Variants in KCNIP3 observed in about 807,000 individuals in gnomAD.
KCNIP3 encodes the protein calsenilin.
Under a neutral mutation model 35.0 loss-of-function variants are expected in KCNIP3, and 28 were observed. The ratio of observed to expected loss-of-function variants is 0.80; its 90% CI spans 0.59 to 1.10. The LOEUF (loss-of-function observed/expected upper bound fraction) is 1.10, where lower values mean the gene tolerates loss of function less well. KCNIP3 is among the 50% of genes least tolerant of loss of function. KCNIP3 has a pLI of 0.00. For missense variants in KCNIP3, 295 were observed against 338.4 expected, an observed-to-expected ratio of 0.87 and a Z score of 1.01; for synonymous variants, 134 against 133.8, an observed-to-expected ratio of 1.00 and a Z score of -0.01.
chr2:95,371,458 T>C (rs1680039867), intron 2 of KCNIP3, among the ~76,000 whole-genome samples: 1 of 152,252 alleles, frequency 6.6e-6, no homozygotes, highest in Non-Finnish European at 1.5e-5. Context: ...TTCCAGCATC[T>C]GATATATATT....
intron 2 of KCNIP3, among the ~76,000 whole-genome samples, chr2:95,320,002 G>C (rs925275635): frequency 1.3e-5 from 2 of 152,200 alleles, no homozygotes; most frequent in Admixed American, 1.3e-4. Flanking sequence ...GGCACCGAGG[G>C]CTGGGGCTTG....
rs186807663 is a variant in KCNIP3, at chr2:95,376,376, C to T, written c.447+1168C>T. On this transcript the variant is annotated intron_variant, in intron 5 of 8. Transcript: ENST00000295225. The surrounding 1 kb of genome is among the most constrained non-coding windows in gnomAD (Gnocchi z 4.2). ...TCAGGAATGAGATGACTGAGAGGCT[C>T]GGCAGAGCCCCTGCTCATGGCAGTG... Among the ~76,000 whole-genome samples the T allele has an allele frequency of 3.3e-4, 50 of 152,332 alleles. No homozygotes were observed. The highest frequency in any genetic ancestry group is 1.2e-3 in the African/African-American group (48 of 41,588).
chr2:95,343,696 G>A (rs1184021987), intron 2 of KCNIP3, among the ~76,000 whole-genome samples: 3 of 152,218 alleles, frequency 2.0e-5, no homozygotes, highest in Non-Finnish European at 4.4e-5. Flanking sequence ...AGATGCCGGG[G>A]CAGAGAGCCA....
intron 2 of KCNIP3, among the ~76,000 whole-genome samples, chr2:95,343,932 C>T (rs1679280705): frequency 6.6e-6 from 1 of 151,486 alleles, no homozygotes; most frequent in Non-Finnish European, 1.5e-5. Context: ...ACTTCCTAAA[C>T]TAGAGCAAGA....
intron 2 of KCNIP3, chr2:95,311,979 T>C (rs1270670423): frequency 6.6e-6 from 1 of 152,174 alleles, no homozygotes; most frequent in Non-Finnish European, 1.5e-5. Flanking sequence ...TCATTCTGCA[T>C]CAGAATGAAA....
chr2:95,326,938 C>T (rs543817967), intron 2 of KCNIP3, among the ~76,000 whole-genome samples: 1 of 152,332 alleles, frequency 6.6e-6, no homozygotes, highest in South Asian at 2.1e-4. Context: ...CTCATGGCCG[C>T]TCTCCTCAGC....
chr2:95,310,523 A>C lies in KCNIP3; in HGVS notation c.181+3A>C. 4.4e-6 allele frequency: 4 copies of C among 916,366 alleles called. No individual in the cohort carries two copies. The highest frequency in any genetic ancestry group is 2.5e-5 in the African/African-American group (1 of 40,358). 56.8% of individuals were successfully genotyped at this position (916,366 alleles called of 1,614,324 possible). On this transcript the variant is annotated splice_donor_region_variant and intron_variant, in intron 2 of 8. Transcript: ENST00000295225. ...CAGCACAGCCCCACAGGGCTCAGGT[A>C]GGGGCCAGGGTGGGCTGTGGTCAAG...
At chr2:95,355,398 A>G (rs531854478) in intron 2 of KCNIP3, 16 of 152,280 alleles carry the variant, frequency 1.1e-4, no homozygotes, top group African/African-American at 3.6e-4. Flanking sequence ...CACAATGTGC[A>G]GGTTTGATAC....
At chr2:95,335,583 A>G (rs1679041610) in intron 2 of KCNIP3, among the ~76,000 whole-genome samples, 1 of 152,162 alleles carries the variant, frequency 6.6e-6, no homozygotes, top group South Asian at 2.1e-4. Flanking sequence ...ACCATAGCAG[A>G]TGTACCTACC....
rs556864917 is a variant in KCNIP3, at chr2:95,382,134, G to A, written c.556-243G>A. 3.9e-5 allele frequency among the ~76,000 whole-genome samples: 6 copies of A among 152,290 alleles called. No homozygotes were observed. Among genetic ancestry groups the A allele is most frequent in the East Asian group, 3.9e-4 (2 of 5,174 alleles). Reference sequence around the variant, plus strand: ...GTCCAAGCACTTTTTCTGCTGCCGCGTCACATTTTGGAGATAAGCACATAG... The same window carrying A: ...GTCCAAGCACTTTTTCTGCTGCCGCATCACATTTTGGAGATAAGCACATAG... On this transcript the variant is annotated intron_variant, in intron 6 of 8. Coordinates refer to ENST00000295225, the MANE Select transcript of KCNIP3 (RefSeq NM_013434.5). This position sits in a 1 kb window ranked among gnomAD's most constrained non-coding sequence, Gnocchi z 4.5.
chr2:95,383,161 C>T (rs1451997691), intron 7 of KCNIP3, 71 bp from the exon 8 acceptor site: 26 of 879,294 alleles, frequency 3.0e-5, no homozygotes, highest in East Asian at 1.1e-4. Flanking sequence ...ATGACTTCTG[C>T]GTCCTCAGGC....
intron 2 of KCNIP3, among the ~76,000 whole-genome samples, chr2:95,319,699 G>A (rs1678540322): frequency 6.6e-6 from 1 of 152,196 alleles, no homozygotes; most frequent in Non-Finnish European, 1.5e-5. Context: ...TTGCCATGAT[G>A]TTGCCATAAG....
At chr2:95,341,677 A>T (rs1435732245) in intron 2 of KCNIP3, among the ~76,000 whole-genome samples, 1 of 152,242 alleles carries the variant, frequency 6.6e-6, no homozygotes. Flanking sequence ...GGCCAAGTCC[A>T]TGAACAGGCT....
Position 95,310,372 on chromosome 2 carries a change from G to A in KCNIP3, c.33G>A (p.Ser11=), listed in dbSNP as rs558118467. The A allele has an allele frequency of 8.0e-5, 129 of 1,611,736 alleles. 1 individual carries two copies. The South Asian group carries it at 8.2e-4, about 10-fold the overall frequency. Residue 11 remains serine, a synonymous_variant, in exon 2 of 9, where the codon TCG becomes TCA. Coordinates refer to ENST00000295225, the MANE Select transcript of KCNIP3 (RefSeq NM_013434.5). The stretch of plus-strand genomic sequence containing the variant: ...TACTGCAGGAAGTGACAAAGGCGTC[G>A]GACGGCAGCCTCCTGGGGGACCTCG... MQPAKEVTKA[S]DGSLLGDLGH... is the part of the protein sequence containing the mutation.
intron 2 of KCNIP3, among the ~76,000 whole-genome samples, chr2:95,327,812 C>A (rs960276427): frequency 6.6e-6 from 1 of 152,224 alleles, no homozygotes; most frequent in Admixed American, 6.5e-5. Context: ...AGAGGCTACA[C>A]GCAGCAGGAC....
chr2:95,348,451 G>A (rs1259886094), intron 2 of KCNIP3, among the ~76,000 whole-genome samples: 1 of 152,202 alleles, frequency 6.6e-6, no homozygotes, highest in Non-Finnish European at 1.5e-5. Flanking sequence ...TGGAGCCTGG[G>A]GTGGGCGTGG....
chr2:95,325,663 ACT>A (rs1484033160), intron 2 of KCNIP3, among the ~76,000 whole-genome samples: 3 of 148,790 alleles, frequency 2.0e-5, no homozygotes, highest in African/African-American at 7.4e-5. Flanking sequence ...ATAGATACAC[ACT>A]CATACACATA....
intron 8 of KCNIP3, 138 bp from the exon 9 acceptor site, chr2:95,383,864 C>G (rs1680414530): frequency 7.8e-6 from 6 of 768,410 alleles, no homozygotes; most frequent in Non-Finnish European, 1.4e-5. Context: ...CCTCCCTGTC[C>G]CCCAGCTCCC....
At chr2:95,322,993 T>G (rs1458299446) in intron 2 of KCNIP3, among the ~76,000 whole-genome samples, 1 of 152,206 alleles carries the variant, frequency 6.6e-6, no homozygotes, top group Admixed American at 6.5e-5. Flanking sequence ...TTTGGGATTC[T>G]CAAGGAAGAA....
Sources: allele counts gnomAD v4.1 joint callset (sites outside exome capture counted in the v4.1 genomes callset), GRCh38; gene constraint gnomAD v4.1.1; non-coding constraint Gnocchi (gnomAD v3.1); transcripts MANE v1.5; gene names NCBI Gene and HGNC (gene_info 2026-07-23, HGNC 2026-07-21).